KIAA1549L: variants seen among roughly 807,000 people sequenced by gnomAD.
KIAA1549L encodes the protein UPF0606 protein KIAA1549L.
Under a neutral mutation model 160.7 loss-of-function variants are expected in KIAA1549L, and 88 were observed. The ratio of observed to expected loss-of-function variants is 0.55; its 90% CI spans 0.46 to 0.65. The LOEUF is 0.65. Ranked by LOEUF, KIAA1549L falls within the 30% of genes least tolerant of loss-of-function variation. The pLI, the probability that KIAA1549L is intolerant of heterozygous loss-of-function variation, is 0.00. For synonymous variants in KIAA1549L, 950 were observed against 976.7 expected (o/e 0.97, Z 0.51); for missense variants, 2,258 against 2,437.5 (o/e 0.93, Z 1.55).
chr11:33,421,520 T>C (rs1053995437), intron 1 of KIAA1549L, among the ~76,000 whole-genome samples: 3 of 152,250 alleles, frequency 2.0e-5, no homozygotes, highest in African/African-American at 7.2e-5. Context: ...TAACAAGATC[T>C]CCAGGTGATT....
chr11:33,544,425 G>T lies in KIAA1549L; in HGVS notation c.2773+89G>T. ...TGGTCAAAGCATCTTCAAGCTCAAC[G>T]CAGATACCAGCTTTGCTCTGAAGGA... On this transcript the variant is annotated intron_variant, in intron 2 of 20. Coordinates refer to ENST00000658780, the MANE Select transcript of KIAA1549L (RefSeq NM_012194.3). 7 of 1,357,338 alleles carry T rather than the reference G, an allele frequency of 5.2e-6. No individual in the cohort carries two copies. The South Asian group carries it at 9.1e-5, about 18-fold the overall frequency. The allele number at this position is 1,357,338 out of a possible 1,614,324, so 84.1% of individuals were successfully genotyped here.
Position 33,667,887 on chromosome 11 carries a change from G to T in KIAA1549L, c.6174G>T (p.Gly2058=), listed in dbSNP as rs750988907. The change falls in exon 21 of 21, where the codon GGG becomes GGT. Residue 2058 remains glycine, a synonymous_variant. Coordinates refer to ENST00000658780, the MANE Select transcript of KIAA1549L (RefSeq NM_012194.3). ...SQWADSVPLP[G]YIEAYPRSRY... ...GCCCTCTGCAGGTGCCCCTCCCAGG[G>T]TACATCGAGGCCTACCCCCGATCAC... is the stretch of plus-strand genomic sequence containing the variant. 6.2e-7 allele frequency: 1 copy of T among 1,612,060 alleles called. No individual in the cohort carries two copies. The highest frequency in any genetic ancestry group is 8.5e-7 in the Non-Finnish European group (1 of 1,179,116).
At chr11:33,468,514 C>T (rs550148094) in intron 1 of KIAA1549L, among the ~76,000 whole-genome samples, 4 of 152,350 alleles carry the variant, frequency 2.6e-5, no homozygotes, top group Admixed American at 6.5e-5. Flanking sequence ...GACACACCTG[C>T]GACTGCAGGT....
intron 1 of KIAA1549L, among the ~76,000 whole-genome samples, chr11:33,385,990 T>A (rs1850165811): frequency 6.6e-6 from 1 of 152,258 alleles, no homozygotes; most frequent in Admixed American, 6.5e-5. Flanking sequence ...TATAGAATCT[T>A]TGAGATTTTT....
rs373132227 is a variant in KIAA1549L at position 33,559,833 on chromosome 11, G to A, written c.3940G>A (p.Ala1314Thr). The change falls in exon 7 of 21, where the codon GCC becomes ACC. Residue 1314 changes from alanine to threonine, a missense_variant. By Grantham distance (58) the Ala-to-Thr change is moderately conservative. Around this residue, in one of 6 missense-constraint regions of KIAA1549L, gnomAD observed 1,359 missense variants for 1,546.6 expected, o/e 0.88. Coordinates refer to ENST00000658780, the MANE Select transcript of KIAA1549L (RefSeq NM_012194.3). ...GAGCACATTCCTCAACGGCACCGTC[G>A]CCAGCAGCCTCCTCAGCCAGCTCTC... ...NQSTFLNGTV[A>T]SSLLSQLSAE... is the part of the protein sequence containing the mutation. The A allele has an allele frequency of 1.2e-5, 19 of 1,613,828 alleles. No homozygotes were observed. Among genetic ancestry groups the A allele is most frequent in the African/African-American group, 5.3e-5 (4 of 74,928 alleles).
intron 1 of KIAA1549L, among the ~76,000 whole-genome samples, chr11:33,507,090 G>A (rs1354687049): frequency 6.6e-6 from 1 of 152,212 alleles, no homozygotes; most frequent in Admixed American, 6.5e-5. Context: ...CCAGCAAGGT[G>A]TAGCAGAAGG....
intron 1 of KIAA1549L, among the ~76,000 whole-genome samples, chr11:33,410,572 T>C (rs1172372267): frequency 6.6e-6 from 1 of 152,226 alleles, no homozygotes; most frequent in Non-Finnish European, 1.5e-5. Flanking sequence ...CTTTCCAACA[T>C]TTTCAGTCTT....
Position 33,551,263 on chromosome 11 carries a change from A to G in KIAA1549L, c.3721+4A>G. The G allele has an allele frequency of 6.2e-7, 1 of 1,611,040 alleles. No homozygotes were observed. The highest frequency in any genetic ancestry group is 8.5e-7 in the Non-Finnish European group (1 of 1,178,690). On this transcript the variant is annotated splice_donor_region_variant and intron_variant, in intron 5 of 20. Coordinates refer to ENST00000658780, the MANE Select transcript of KIAA1549L (RefSeq NM_012194.3). ...GGCTACTTCCAGCTAAAAACAGGCA[A>G]GTGACTCGGAAGGAAGGGATTTTCA...
intron 20 of KIAA1549L, among the ~76,000 whole-genome samples, chr11:33,666,363 T>C (rs970092491): frequency 4.6e-5 from 7 of 152,206 alleles, no homozygotes; most frequent in Non-Finnish European, 1.0e-4. Context: ...AGTACGCCCA[T>C]ACATTTTGAT....
chr11:33,654,408 G>A (rs894842241), intron 17 of KIAA1549L, among the ~76,000 whole-genome samples: 1 of 152,180 alleles, frequency 6.6e-6, no homozygotes, highest in African/African-American at 2.4e-5. Context: ...TTTCTGGTGT[G>A]TTCATGGTCT....
At chr11:33,506,998 A>C (rs1175492152) in intron 1 of KIAA1549L, among the ~76,000 whole-genome samples, 4 of 152,146 alleles carry the variant, frequency 2.6e-5, no homozygotes, top group Non-Finnish European at 5.9e-5. Flanking sequence ...GATGGGGATC[A>C]GCCCTGTTCA....
In KIAA1549L at chr11:33,671,589, C is replaced by CACAG. The variant is rs1852675986; in HGVS notation, c.*3438_*3439insGACA. ...AATAGATCTGTGATTAAAACACACA[C>CACAG]ACACACACACACACACACACACACA... On this transcript the variant is annotated 3_prime_UTR_variant, in exon 21 of 21. Coordinates refer to ENST00000658780, the MANE Select transcript of KIAA1549L (RefSeq NM_012194.3). 1 of 146,264 alleles carries CACAG rather than the reference C, an allele frequency of 6.8e-6. No homozygotes were observed. Among genetic ancestry groups the CACAG allele is most frequent in the East Asian group, 1.9e-4 (1 of 5,168 alleles). 9.1% of individuals were successfully genotyped at this position (146,264 alleles called of 1,614,324 possible).
intron 1 of KIAA1549L, among the ~76,000 whole-genome samples, chr11:33,531,534 G>T (rs1032135396): frequency 2.6e-5 from 4 of 152,168 alleles, no homozygotes; most frequent in African/African-American, 9.6e-5. Flanking sequence ...TTTTAAACCT[G>T]ATTCCACAAA....
rs371998196 is a variant in KIAA1549L at position 33,606,753 on chromosome 11, C to T, written c.4992C>T (p.Pro1664=). Reference sequence around the variant, plus strand: ...CTGTGCAGCTCATTGCCATAAAACCCACAGCCCTCCCCATGGTGCCCCCCA... The same window carrying T: ...CTGTGCAGCTCATTGCCATAAAACCTACAGCCCTCCCCATGGTGCCCCCCA... ...SGSVQLIAIK[P]TALPMVPPTS... is the part of the protein sequence containing the mutation. Residue 1664 remains proline, a synonymous_variant, in exon 14 of 21, where the codon CCC becomes CCT. Transcript: ENST00000658780. 22 of 1,613,692 alleles carry T rather than the reference C, an allele frequency of 1.4e-5. No homozygotes were observed. In the African/African-American group the frequency reaches 2.4e-4, roughly 18 times the overall value.
chr11:33,475,631 T>G lies in KIAA1549L; in HGVS notation c.239-66171T>G, dbSNP rs111715208. 1.3e-5 allele frequency among the ~76,000 whole-genome samples: 2 copies of G among 149,896 alleles called. 1 individual carries two copies. Among genetic ancestry groups the G allele is most frequent in the African/African-American group, 4.9e-5 (2 of 40,570 alleles). On this transcript the variant is annotated intron_variant, in intron 1 of 20. Transcript: ENST00000658780. Reference sequence around the variant, plus strand: ...ACCTTAGGAGGCAGAGGCAGGAGGATCACTTGAGCCCAGGAGTTTGACACC... The same window carrying G: ...ACCTTAGGAGGCAGAGGCAGGAGGAGCACTTGAGCCCAGGAGTTTGACACC...
intron 13 of KIAA1549L, among the ~76,000 whole-genome samples, chr11:33,602,433 T>C (rs1774957449): frequency 6.6e-6 from 1 of 152,256 alleles, no homozygotes; most frequent in African/African-American, 2.4e-5. Flanking sequence ...GATGCTATTA[T>C]AGATTGTCTG....
chr11:33,660,369 A>C (rs188546171), intron 19 of KIAA1549L, among the ~76,000 whole-genome samples: 1 of 152,138 alleles, frequency 6.6e-6, no homozygotes, highest in Non-Finnish European at 1.5e-5. Flanking sequence ...CAAGGTCAGG[A>C]GTTCGAGACC....
At position 33,551,108 on chromosome 11, in the gene KIAA1549L, T is replaced by C. The variant is rs1015471868; in HGVS notation, c.3570T>C (p.Tyr1190=). 6.2e-7 allele frequency: 1 copy of C among 1,613,994 alleles called. No individual in the cohort carries two copies. The highest frequency in any genetic ancestry group is 8.5e-7 in the Non-Finnish European group (1 of 1,179,866). Reference sequence around the variant, plus strand: ...ATGCTACCAAAGGGAAGTTGGTGTATTTGCCTGCTGTGGTGATCGAAATGC... The same window carrying C: ...ATGCTACCAAAGGGAAGTTGGTGTACTTGCCTGCTGTGGTGATCGAAATGC... ...GYYATKGKLV[Y]LPAVVIEMLG... The change falls in exon 5 of 21, where the codon TAT becomes TAC. Residue 1190 remains tyrosine (Y), a synonymous_variant. Coordinates refer to ENST00000658780, the MANE Select transcript of KIAA1549L (RefSeq NM_012194.3).
In KIAA1549L at chr11:33,588,304, C is replaced by T. The variant is rs1462966818; in HGVS notation, c.4567-2933C>T. Among the ~76,000 whole-genome samples, 5 of 152,096 alleles carry T rather than the reference C, an allele frequency of 3.3e-5. No homozygotes were observed. The South Asian group carries it at 1.0e-3, about 32-fold the overall frequency. On this transcript the variant is annotated intron_variant, in intron 11 of 20. Transcript: ENST00000658780. ...ACAAAACTGAATAGGATAATGGGGG[C>T]GTGAGGGTGTGGTACAAAAGGGGTC...
Sources: allele counts gnomAD v4.1 joint callset (sites outside exome capture counted in the v4.1 genomes callset), GRCh38; gene constraint gnomAD v4.1.1; regional missense constraint gnomAD v4.1.1; transcripts MANE v1.5; gene names NCBI Gene and HGNC (gene_info 2026-07-23, HGNC 2026-07-21).